The following ATAD2B variants were observed in gnomAD, a reference collection of about 807,000 sequenced individuals.
ATAD2B encodes the protein ATPase family AAA domain-containing protein 2B.
ATAD2B carries 40 observed loss-of-function variants against 167.6 expected under a neutral mutation model. The ratio of observed to expected loss-of-function variants is 0.24; its 90% CI spans 0.19 to 0.31. The LOEUF is 0.31. Ranked by LOEUF, ATAD2B falls within the 10% of genes least tolerant of loss-of-function variation. The probability of loss-of-function intolerance (pLI) is 1.00; values close to 1 mark genes in which losing one functional copy is unlikely to be tolerated. For synonymous variants in ATAD2B, 579 were observed against 596.5 expected, an observed-to-expected ratio of 0.97 and a Z score of 0.43; for missense variants, 1,242 against 1,757.2, an observed-to-expected ratio of 0.71 and a Z score of 5.24.
chr2:23,681,384 G>A, the ATAD2B span, among the ~76,000 whole-genome samples: 48 of 152,332 alleles, frequency 3.2e-4, no homozygotes, highest in African/African-American at 1.2e-3. The surrounding 1 kb of genome is among the most constrained non-coding windows in gnomAD (Gnocchi z 4.2). Context: ...TCCAGGTCTA[G>A]CTCCAGAATT....
the ATAD2B span, among the ~76,000 whole-genome samples, chr2:23,704,965 A>G: frequency 3.3e-5 from 5 of 152,254 alleles, no homozygotes; most frequent in Non-Finnish European, 5.9e-5. Context: ...GACCTTGGAC[A>G]TATCCCTTCA....
intron 22 of ATAD2B, among the ~76,000 whole-genome samples, chr2:23,773,925 T>C (rs893859691): frequency 2.0e-5 from 3 of 152,224 alleles, no homozygotes; most frequent in African/African-American, 7.2e-5. Flanking sequence ...TTAGGACATA[T>C]AGATGAGTAT....
intron 1 of ATAD2B, among the ~76,000 whole-genome samples, chr2:23,906,500 G>A (rs552966776): frequency 6.6e-6 from 1 of 152,262 alleles, no homozygotes; most frequent in South Asian, 2.1e-4. Context: ...GGAGAGTTCT[G>A]TAGATGTCTA....
rs1224928973 is a variant in ATAD2B at position 23,888,323 on chromosome 2, T to G, written c.418+27A>C. 6 of 1,492,596 alleles carry G rather than the reference T, an allele frequency of 4.0e-6. No individual in the cohort carries two copies. In the East Asian group the frequency reaches 1.4e-4, roughly 34 times the overall value. The allele number at this position is 1,492,596 out of a possible 1,614,324, so 92.5% of individuals were successfully genotyped here. A position where few individuals can be genotyped will look rare whatever the true frequency, so the allele number is the denominator to read the frequency against. Reference sequence around the variant, plus strand: ...TCTAACATTGTAAGAATTTTAAAACTAACCAGTTTTATAATAGAATACTCA... The same window carrying G: ...TCTAACATTGTAAGAATTTTAAAACGAACCAGTTTTATAATAGAATACTCA... On this transcript the variant is annotated intron_variant, in intron 3 of 27. Coordinates refer to ENST00000238789, the MANE Select transcript of ATAD2B (RefSeq NM_017552.4).
At chr2:23,723,583 C>G in the ATAD2B span, among the ~76,000 whole-genome samples, 1 of 152,010 alleles carries the variant, frequency 6.6e-6, no homozygotes. Flanking sequence ...AAAAAATGCT[C>G]AACATCCCTA....
intron 6 of ATAD2B, 115 bp from the exon 7 acceptor site, chr2:23,880,870 C>A: frequency 1.5e-6 from 1 of 652,214 alleles, no homozygotes; most frequent in East Asian, 2.9e-5. Flanking sequence ...GCACAGGTGA[C>A]ATTTAAGTGC....
intron 1 of ATAD2B, among the ~76,000 whole-genome samples, chr2:23,921,204 T>TAAA: frequency 2.0e-4 from 1 of 4,976 alleles, no homozygotes; most frequent in Admixed American, 2.2e-3. Context: ...AGACTCCATC[T>TAAA]CAAAAAAAAA....
the ATAD2B span, among the ~76,000 whole-genome samples, chr2:23,685,024 G>A: frequency 4.6e-5 from 7 of 152,332 alleles, no homozygotes; most frequent in Admixed American, 2.6e-4. Flanking sequence ...AGGTGCCCCC[G>A]GGGCTGCTTT....
At chr2:23,796,490 G>T (rs1473782725) in intron 19 of ATAD2B, among the ~76,000 whole-genome samples, 1 of 152,098 alleles carries the variant, frequency 6.6e-6, no homozygotes, top group African/African-American at 2.4e-5. Flanking sequence ...AATAAAAACT[G>T]CTTATCAAGA....
chr2:23,741,729 T>C, the ATAD2B span, among the ~76,000 whole-genome samples: 5,888 of 152,250 alleles, frequency 0.039, 109 homozygotes, highest in Admixed American at 0.046. Context: ...AAAGAGCTTC[T>C]GCACAGCAAA....
chr2:23,747,399 A>T (rs1304918482), downstream of ATAD2B, among the ~76,000 whole-genome samples: 1 of 151,846 alleles, frequency 6.6e-6, no homozygotes, highest in Admixed American at 6.6e-5. Context: ...GGCAGGGTTT[A>T]GATTCTGTAA....
chr2:23,713,905 TA>T, the ATAD2B span, among the ~76,000 whole-genome samples: 1 of 152,222 alleles, frequency 6.6e-6, no homozygotes, highest in Non-Finnish European at 1.5e-5. Flanking sequence ...AACAGTGGTA[TA>T]CAAGGTTTTG....
At chr2:23,679,992 C>T in the ATAD2B span, among the ~76,000 whole-genome samples, 3 of 152,082 alleles carry the variant, frequency 2.0e-5, no homozygotes, top group Admixed American at 6.6e-5. Flanking sequence ...GGAGGAGGAG[C>T]GGAGGGAACG....
intron 19 of ATAD2B, among the ~76,000 whole-genome samples, chr2:23,793,553 T>C (rs189101934): frequency 5.9e-5 from 9 of 152,256 alleles, no homozygotes; most frequent in African/African-American, 1.9e-4. Flanking sequence ...TAAATTTACT[T>C]ACACTACAAT....
intron 12 of ATAD2B, 106 bp from the exon 13 acceptor site, chr2:23,857,609 G>T (rs1693623802): frequency 4.1e-6 from 2 of 488,082 alleles, no homozygotes; most frequent in South Asian, 3.8e-5. Flanking sequence ...CATGCAGCAG[G>T]TATGAAGGAG....
At chr2:23,762,987 T>C (rs1416394432) in intron 23 of ATAD2B, among the ~76,000 whole-genome samples, 1 of 152,204 alleles carries the variant, frequency 6.6e-6, no homozygotes, top group Admixed American at 6.5e-5. Context: ...AATTCTCAAA[T>C]CTGTATCTTT....
chr2:23,719,863 G>T, the ATAD2B span, among the ~76,000 whole-genome samples: 1 of 152,220 alleles, frequency 6.6e-6, no homozygotes, highest in African/African-American at 2.4e-5. Context: ...CCTGGAAACT[G>T]CTCTGTAACT....
At chr2:23,737,141 A>C in the ATAD2B span, among the ~76,000 whole-genome samples, 2 of 152,208 alleles carry the variant, frequency 1.3e-5, no homozygotes, top group Non-Finnish European at 2.9e-5. Flanking sequence ...GACAAACAAA[A>C]AGACAGCAGT....
rs1473128475 is a variant in ATAD2B, at chr2:23,857,558, T to G, written c.1480-55A>C. 3 of 892,424 alleles carry G rather than the reference T, an allele frequency of 3.4e-6. No homozygotes were observed. In the East Asian group the frequency reaches 9.8e-5, roughly 29 times the overall value. 55.3% of individuals were successfully genotyped at this position (892,424 alleles called of 1,614,324 possible). A position where few individuals can be genotyped will look rare whatever the true frequency, so the allele number is the denominator to read the frequency against. On this transcript the variant is annotated intron_variant, in intron 12 of 27. Coordinates refer to ENST00000238789, the MANE Select transcript of ATAD2B (RefSeq NM_017552.4). ...TGTATTTGTTTTCATTTTTAAAATT[T>G]ATTATATTTTCTTAATAGGTAATAA...
Sources: gnomAD v4.1 joint callset for allele counts (sites outside exome capture counted in the v4.1 genomes callset) on GRCh38, gnomAD v4.1.1 for gene constraint, Gnocchi (gnomAD v3.1) non-coding constraint, MANE v1.5 for transcripts, NCBI Gene and HGNC (gene_info 2026-07-23, HGNC 2026-07-21) for gene names.